The following MAGI2 variants were observed in gnomAD, a reference collection of about 807,000 sequenced individuals.
The protein encoded by MAGI2 is membrane associated guanylate kinase, WW and PDZ domain containing 2, also known as membrane-associated guanylate kinase, WW and PDZ domain-containing protein 2.
MAGI2 carries 35 observed loss-of-function variants against 133.3 expected under a neutral mutation model. The observed-to-expected ratio is 0.26, with a 90% CI of 0.20 to 0.35. MAGI2 has a LOEUF of 0.35. Ranked by LOEUF, MAGI2 falls within the 10% of genes least tolerant of loss-of-function variation. MAGI2 has a pLI of 1.00. For synonymous variants in MAGI2, 729 were observed against 710.6 expected, an observed-to-expected ratio of 1.03 and a Z score of -0.41; for missense variants, 1,636 against 1,863.4, an observed-to-expected ratio of 0.88 and a Z score of 2.25.
At chr7:78,237,129 A>G (rs1790633573) in intron 10 of MAGI2, among the ~76,000 whole-genome samples, 1 of 152,038 alleles carries the variant, frequency 6.6e-6, no homozygotes, top group Non-Finnish European at 1.5e-5. Flanking sequence ...TGTTATACAC[A>G]TAGATTTACC....
chr7:78,440,345 T>C lies in MAGI2; in HGVS notation c.1045+49416A>G, dbSNP rs569194175. 3.3e-5 allele frequency among the ~76,000 whole-genome samples: 5 copies of C among 152,278 alleles called. 1 individual carries two copies. In the South Asian group the frequency reaches 1.0e-3, roughly 32 times the overall value. ...ATGGCTGATGAAGTGTGCTGTAGAA[T>C]TTGAACTCGGGCAATCTGACATACA... is the stretch of plus-strand genomic sequence containing the variant. On this transcript the variant is annotated intron_variant, in intron 6 of 21. Transcript: ENST00000354212.
chr7:78,734,508 C>T (rs943039514), intron 2 of MAGI2, among the ~76,000 whole-genome samples: 1 of 152,104 alleles, frequency 6.6e-6, no homozygotes, highest in African/African-American at 2.4e-5. Flanking sequence ...AATAATTCAC[C>T]CCCTCTGTAG....
chr7:79,253,588 A>C (rs1833481858), intron 1 of MAGI2, among the ~76,000 whole-genome samples: 1 of 152,134 alleles, frequency 6.6e-6, no homozygotes, highest in Non-Finnish European at 1.5e-5. Context: ...GGTTTCAGTG[A>C]GCCAAGAGCA....
At chr7:79,284,373 C>A (rs1034953973) in intron 1 of MAGI2, among the ~76,000 whole-genome samples, 1 of 152,100 alleles carries the variant, frequency 6.6e-6, no homozygotes, top group African/African-American at 2.4e-5. Context: ...AGGGCATATC[C>A]TCTACCCTCT....
intron 1 of MAGI2, among the ~76,000 whole-genome samples, chr7:79,229,883 C>G (rs1234347411): frequency 2.0e-5 from 3 of 150,712 alleles, no homozygotes; most frequent in Admixed American, 6.6e-5. Flanking sequence ...CATGCTGGTG[C>G]AGTGCACCCA....
At chr7:79,392,816 T>C (rs1354580684) in intron 1 of MAGI2, among the ~76,000 whole-genome samples, 1 of 152,214 alleles carries the variant, frequency 6.6e-6, no homozygotes, top group African/African-American at 2.4e-5. Context: ...TTTTCACTTA[T>C]AGTAAATACT....
At chr7:78,453,777 C>A (rs538129548) in intron 6 of MAGI2, among the ~76,000 whole-genome samples, 2 of 151,988 alleles carry the variant, frequency 1.3e-5, no homozygotes, top group Middle Eastern at 6.3e-3. Context: ...ATATTTGAGA[C>A]CAGGGAGGCT....
chr7:78,546,847 A>G (rs1798891049), intron 3 of MAGI2, among the ~76,000 whole-genome samples: 1 of 152,208 alleles, frequency 6.6e-6, no homozygotes, highest in South Asian at 2.1e-4. Flanking sequence ...TGCCTACCAC[A>G]CAGAGTTGTT....
chr7:79,078,799 G>C (rs1389308676), intron 1 of MAGI2, among the ~76,000 whole-genome samples: 1 of 152,052 alleles, frequency 6.6e-6, no homozygotes, highest in Non-Finnish European at 1.5e-5. Context: ...AACTCAATGG[G>C]TACGTTAGCC....
chr7:78,545,995 A>C (rs972259158), intron 3 of MAGI2, among the ~76,000 whole-genome samples: 8 of 152,216 alleles, frequency 5.3e-5, no homozygotes, highest in Non-Finnish European at 1.2e-4. Flanking sequence ...TATTTTCCCC[A>C]ACACATATTT....
intron 14 of MAGI2, among the ~76,000 whole-genome samples, chr7:78,177,416 G>A (rs922784134): frequency 6.8e-5 from 5 of 73,748 alleles, no homozygotes; most frequent in South Asian, 6.8e-4. Flanking sequence ...CTGTGAATAC[G>A]CGCACACACA....
At chr7:79,308,863 G>A (rs1018866889) in intron 1 of MAGI2, among the ~76,000 whole-genome samples, 1 of 151,998 alleles carries the variant, frequency 6.6e-6, no homozygotes, top group Admixed American at 6.6e-5. Flanking sequence ...AGTAGAAACA[G>A]CAATGAGAAT....
intron 1 of MAGI2, among the ~76,000 whole-genome samples, chr7:79,366,660 A>G (rs534766819): frequency 6.6e-6 from 1 of 152,302 alleles, no homozygotes; most frequent in East Asian, 1.9e-4. Flanking sequence ...GTTATTATTG[A>G]AGGAAACTGG....
chr7:78,665,897 T>C (rs1410901138), intron 2 of MAGI2, among the ~76,000 whole-genome samples: 1 of 152,184 alleles, frequency 6.6e-6, no homozygotes, highest in Non-Finnish European at 1.5e-5. Flanking sequence ...TGTATCTTTA[T>C]GGAGCTTACA....
chr7:79,017,702 T>C (rs1431264377), intron 1 of MAGI2, among the ~76,000 whole-genome samples: 2 of 152,120 alleles, frequency 1.3e-5, no homozygotes, highest in East Asian at 3.9e-4. Context: ...TAAAACAGTA[T>C]AGGAACTGAT....
rs1165344008 is a variant in MAGI2 at position 78,051,552 on chromosome 7, G to A, written c.3706+27395C>T. The stretch of plus-strand genomic sequence containing the variant: ...AGCCATTGCGTAGCCATTTCCATGA[G>A]GTCAGGGCTTTGCTGGGTGTGGAGA... On this transcript the variant is annotated intron_variant, in intron 21 of 21. Coordinates refer to ENST00000354212, the MANE Select transcript of MAGI2 (RefSeq NM_012301.4). 2.6e-5 allele frequency among the ~76,000 whole-genome samples: 4 copies of A among 152,284 alleles called. No individual in the cohort carries two copies. In the East Asian group the frequency reaches 7.7e-4, roughly 29 times the overall value.
chr7:78,542,189 A>T (rs1187716853), intron 3 of MAGI2, among the ~76,000 whole-genome samples: 2 of 152,210 alleles, frequency 1.3e-5, no homozygotes, highest in Non-Finnish European at 2.9e-5. Flanking sequence ...TGTAAAAGCC[A>T]TTCTTACCTT....
At chr7:79,433,488 G>T (rs1847924728) in intron 1 of MAGI2, among the ~76,000 whole-genome samples, 1 of 151,900 alleles carries the variant, frequency 6.6e-6, no homozygotes, top group South Asian at 2.1e-4. Context: ...GGGAGGCGGA[G>T]CTTGCACTGA....
chr7:79,009,154 G>A (rs1055446182), intron 1 of MAGI2: 1 of 152,042 alleles, frequency 6.6e-6, no homozygotes, highest in African/African-American at 2.4e-5. Context: ...CTAATGTAAT[G>A]TGGATAAATT....
Sources: allele counts gnomAD v4.1 joint callset (sites outside exome capture counted in the v4.1 genomes callset), GRCh38; gene constraint gnomAD v4.1.1; transcripts MANE v1.5; gene names NCBI Gene and HGNC (gene_info 2026-07-23, HGNC 2026-07-21).